The following FGD4 variants were observed in gnomAD, a reference collection of about 807,000 sequenced individuals.
FGD4 encodes FYVE, RhoGEF and PH domain containing 4.
FGD4 carries 42 observed loss-of-function variants against 102.0 expected under a neutral mutation model. The ratio of observed to expected loss-of-function variants is 0.41; its 90% CI spans 0.32 to 0.53. FGD4 has a LOEUF of 0.53. FGD4 is among the 20% of genes least tolerant of loss of function. FGD4 has a pLI of 0.21. For missense variants in FGD4, 902 were observed against 1,078.2 expected, an observed-to-expected ratio of 0.84 and a Z score of 2.29; for synonymous variants, 380 against 375.7, an observed-to-expected ratio of 1.01 and a Z score of -0.13.
chr12:32,436,541 C>G (rs979170500), intron 1 of FGD4, among the ~76,000 whole-genome samples: 1 of 152,232 alleles, frequency 6.6e-6, no homozygotes, highest in Non-Finnish European at 1.5e-5. Context: ...AATGCCAAAG[C>G]CTTGTTTCTC....
At chr12:32,457,577 T>A (rs990465103) in intron 1 of FGD4, among the ~76,000 whole-genome samples, 1 of 152,212 alleles carries the variant, frequency 6.6e-6, no homozygotes, top group African/African-American at 2.4e-5. Context: ...ATTAAATTAG[T>A]ATGGAATAAC....
At chr12:32,401,490 A>G (rs1278667884) in intron 1 of FGD4, among the ~76,000 whole-genome samples, 1 of 151,868 alleles carries the variant, frequency 6.6e-6, no homozygotes, top group Non-Finnish European at 1.5e-5. Flanking sequence ...CGAACTCCTG[A>G]TCTCAAGTGA....
At chr12:32,500,681 C>T (rs1045821928) in intron 1 of FGD4, among the ~76,000 whole-genome samples, 3 of 152,138 alleles carry the variant, frequency 2.0e-5, no homozygotes, top group East Asian at 3.9e-4. Context: ...ATCCACCTGC[C>T]TCAGCCTCCC....
At chr12:32,521,583 T>C (rs1000863506) in intron 1 of FGD4, among the ~76,000 whole-genome samples, 13 of 152,202 alleles carry the variant, frequency 8.5e-5, no homozygotes, top group African/African-American at 3.1e-4. Context: ...CTGTATACTA[T>C]ATTGAGTCCC....
At chr12:32,443,624 G>A (rs1227125617) in intron 1 of FGD4, among the ~76,000 whole-genome samples, 3 of 145,822 alleles carry the variant, frequency 2.1e-5, no homozygotes, top group Admixed American at 1.4e-4. Flanking sequence ...CTGTAGCCTC[G>A]AACTCCCAGG....
At chr12:32,563,392 C>G (rs892241963) in intron 1 of FGD4, among the ~76,000 whole-genome samples, 16 of 151,210 alleles carry the variant, frequency 1.1e-4, no homozygotes, top group Non-Finnish European at 1.8e-4. Context: ...CTCCCCACAT[C>G]TCAGACGATG....
intron 1 of FGD4, among the ~76,000 whole-genome samples, chr12:32,419,735 C>T (rs146958334): frequency 6.6e-6 from 1 of 152,334 alleles, no homozygotes; most frequent in African/African-American, 2.4e-5. Flanking sequence ...TGTGGGAACT[C>T]AAGCTCTGAC....
At chr12:32,454,616 C>G (rs1942901235) in intron 1 of FGD4, among the ~76,000 whole-genome samples, 1 of 152,124 alleles carries the variant, frequency 6.6e-6, no homozygotes, top group Non-Finnish European at 1.5e-5. Context: ...TAGGTCCCAG[C>G]TGCTGATTCC....
chr12:32,550,200 C>T (rs1440632301), intron 1 of FGD4, among the ~76,000 whole-genome samples: 1 of 152,064 alleles, frequency 6.6e-6, no homozygotes, highest in East Asian at 1.9e-4. Flanking sequence ...GGAGTTATCA[C>T]TCAGTACATT....
intron 3 of FGD4, among the ~76,000 whole-genome samples, chr12:32,579,167 C>T (rs1454929273): frequency 6.6e-6 from 1 of 151,180 alleles, no homozygotes; most frequent in East Asian, 2.0e-4. Flanking sequence ...CTGCCTCAGC[C>T]TCCTGAATAG....
intron 1 of FGD4, among the ~76,000 whole-genome samples, chr12:32,453,364 G>A (rs1942865025): frequency 6.6e-6 from 1 of 151,330 alleles, no homozygotes; most frequent in Admixed American, 6.6e-5. Context: ...CTCCCGAGTA[G>A]CTGGGATCAC....
intron 1 of FGD4, among the ~76,000 whole-genome samples, chr12:32,558,996 T>C (rs1265178334): frequency 6.6e-6 from 1 of 152,214 alleles, no homozygotes; most frequent in Non-Finnish European, 1.5e-5. Context: ...TACTGTAATT[T>C]GTTATGGCTG....
At chr12:32,457,096 A>T (rs528481630) in intron 1 of FGD4, among the ~76,000 whole-genome samples, 13 of 152,356 alleles carry the variant, frequency 8.5e-5, no homozygotes, top group Admixed American at 7.8e-4. Context: ...GAAAACCTCT[A>T]GATTTTAAAA....
chr12:32,471,238 C>G (rs781670561), intron 1 of FGD4, among the ~76,000 whole-genome samples: 20 of 152,284 alleles, frequency 1.3e-4, no homozygotes, highest in Admixed American at 8.5e-4. Context: ...GAGCCAGGCA[C>G]TGGCATCCCT....
At chr12:32,588,143 G>A (rs1251563672) in intron 4 of FGD4, among the ~76,000 whole-genome samples, 2 of 152,172 alleles carry the variant, frequency 1.3e-5, no homozygotes, top group Admixed American at 1.3e-4. Flanking sequence ...AAAAAAGCAT[G>A]GTCAGCATTT....
At chr12:32,572,063 T>TGTGC (rs1351231303) in intron 2 of FGD4, among the ~76,000 whole-genome samples, 3 of 150,410 alleles carry the variant, frequency 2.0e-5, no homozygotes, top group Non-Finnish European at 4.4e-5. Context: ...AGACCATCTG[T>TGTGC]GTGCGTGCGT....
In FGD4 at chr12:32,625,099, T is replaced by G. The variant is rs201445305; in HGVS notation, c.2046+31T>G. On this transcript the variant is annotated intron_variant, in intron 13 of 16. Transcript: ENST00000534526. ...TTGAATTAAATTCTTAACTTCAACC[T>G]CTTTCATATCTTTGCAGGTGTAGAA... is the stretch of plus-strand genomic sequence containing the variant. The G allele has an allele frequency of 1.5e-3, 2,274 of 1,544,164 alleles. 5 individuals are homozygous for G. The highest frequency in any genetic ancestry group is 1.8e-3 in the Non-Finnish European group (2,020 of 1,118,252).
At chr12:32,446,997 A>G (rs1269361506) in intron 1 of FGD4, among the ~76,000 whole-genome samples, 3 of 152,204 alleles carry the variant, frequency 2.0e-5, no homozygotes, top group Non-Finnish European at 2.9e-5. Flanking sequence ...GGCTGTGGAA[A>G]TGTTCCAGGT....
chr12:32,464,634 G>A (rs541015437), intron 1 of FGD4, among the ~76,000 whole-genome samples: 18 of 152,308 alleles, frequency 1.2e-4, no homozygotes, highest in African/African-American at 4.1e-4. Flanking sequence ...GTACTAGGTA[G>A]TATTCAAGGT....
Sources: gnomAD v4.1 joint callset for allele counts (sites outside exome capture counted in the v4.1 genomes callset) on GRCh38, gnomAD v4.1.1 for gene constraint, MANE v1.5 for transcripts, NCBI Gene and HGNC (gene_info 2026-07-23, HGNC 2026-07-21) for gene names.